Variants in ABCA6 observed in about 807,000 individuals in gnomAD.
The protein encoded by ABCA6 is ATP binding cassette subfamily A member 6.
Under a neutral mutation model 191.2 loss-of-function variants are expected in ABCA6, and 164 were observed. That is an observed-to-expected ratio of 0.86 (90% CI 0.76 to 0.98). ABCA6 has a LOEUF of 0.98. Ranked by LOEUF, ABCA6 falls within the 50% of genes least tolerant of loss-of-function variation. ABCA6 has a pLI of 0.00. For missense variants in ABCA6, 1,958 were observed against 1,894.1 expected (o/e 1.03, Z -0.63); for synonymous variants, 636 against 647.7 (o/e 0.98, Z 0.27).
chr17:69,118,110 T>G, intron 10 of ABCA6, 154 bp from the exon 11 acceptor site: 1 of 471,226 alleles, frequency 2.1e-6, no homozygotes, highest in Admixed American at 4.2e-5. Flanking sequence ...AAAACCCTAT[T>G]TTTGATTACT....
intron 34 of ABCA6, among the ~76,000 whole-genome samples, chr17:69,083,883 C>A (rs1202847542): frequency 6.6e-6 from 1 of 150,736 alleles, no homozygotes. Context: ...TGACAGGTCA[C>A]ATTAAAAAGG....
intron 12 of ABCA6, 54 bp from the exon 13 acceptor site, chr17:69,114,991 TC>T (rs1202862468): frequency 2.3e-6 from 3 of 1,304,260 alleles, no homozygotes; most frequent in Non-Finnish European, 3.2e-6. Flanking sequence ...CTATTAATAT[TC>T]ATAGATCTCA....
rs1224165662 is a variant in ABCA6, at chr17:69,129,983, T to C, written c.792-232A>G. On this transcript the variant is annotated intron_variant, in intron 6 of 38. Coordinates refer to ENST00000284425, the MANE Select transcript of ABCA6 (RefSeq NM_080284.3). ...CCTTTACCATATATGCATACAGAGATGATAGATGCTGAACACTGGTATAGG... is the reference window on the plus strand; with the variant it reads ...CCTTTACCATATATGCATACAGAGACGATAGATGCTGAACACTGGTATAGG... Among the ~76,000 whole-genome samples, 5 of 152,152 alleles carry C rather than the reference T, an allele frequency of 3.3e-5. No individual in the cohort carries two copies. The East Asian group carries it at 7.7e-4, about 24-fold the overall frequency.
At chr17:69,129,491 C>T in intron 7 of ABCA6, 119 bp downstream of exon 7, 3 of 820,496 alleles carry the variant, frequency 3.7e-6, no homozygotes, top group South Asian at 2.0e-5. Context: ...AGGACACACA[C>T]ATGCACACAC....
chr17:69,126,658 A>C (rs1043609494), intron 8 of ABCA6, among the ~76,000 whole-genome samples: 1 of 152,134 alleles, frequency 6.6e-6, no homozygotes, highest in Admixed American at 6.6e-5. Flanking sequence ...AAATAAAAAT[A>C]AAAAAAGATA....
intron 18 of ABCA6, 31 bp from the exon 19 acceptor site, chr17:69,106,242 A>G: frequency 1.3e-6 from 2 of 1,568,580 alleles, no homozygotes; most frequent in East Asian, 2.3e-5. Flanking sequence ...AAACACACAT[A>G]TTATAATATT....
At position 69,112,308 on chromosome 17, in the gene ABCA6, GGGGTC is replaced by G. The variant is rs774395881; in HGVS notation, c.2042-40_2042-36del. ...AGAAATCAAGGGAGAAAAGATATTG[GGGGTC>G]ATTTCTTCTTTCTCTAGTAAAGAAA... On this transcript the variant is annotated intron_variant, in intron 15 of 38. Coordinates refer to ENST00000284425, the MANE Select transcript of ABCA6 (RefSeq NM_080284.3). 3.3e-6 allele frequency: 5 copies of G among 1,522,694 alleles called. No homozygotes were observed. In the Admixed American group the frequency reaches 8.5e-5, roughly 26 times the overall value. The allele number at this position is 1,522,694 out of a possible 1,614,324, so 94.3% of individuals were successfully genotyped here.
At chr17:69,085,773 CT>C in intron 30 of ABCA6, 57 bp from the exon 31 acceptor site, 1 of 1,231,406 alleles carries the variant, frequency 8.1e-7, no homozygotes, top group Non-Finnish European at 1.2e-6. Context: ...CAACATAAAC[CT>C]TTTGCTCCAG....
chr17:69,113,567 C>T (rs1383526170), intron 14 of ABCA6, 51 bp downstream of exon 14: 4 of 1,611,026 alleles, frequency 2.5e-6, no homozygotes, highest in Middle Eastern at 1.7e-4. Flanking sequence ...AAGAACTTGA[C>T]ATTTTGCAGA....
intron 2 of ABCA6, among the ~76,000 whole-genome samples, chr17:69,139,032 A>C (rs1184288708): frequency 6.6e-6 from 1 of 152,240 alleles, no homozygotes; most frequent in Non-Finnish European, 1.5e-5. Context: ...GGACATAAGC[A>C]GGGGCAAGGA....
At chr17:69,115,137 A>C (rs1182912028) in intron 12 of ABCA6, among the ~76,000 whole-genome samples, 200 bp from the exon 13 acceptor site, 1 of 152,136 alleles carries the variant, frequency 6.6e-6, no homozygotes, top group Non-Finnish European at 1.5e-5. Context: ...CTTGTTACAA[A>C]CATATGCTTA....
In ABCA6 at chr17:69,106,092, C is replaced by T; in HGVS notation, c.2509G>A (p.Val837Ile). Residue 837 changes from valine (V) to isoleucine (I), a missense_variant, in exon 19 of 39, where the codon GTC becomes ATC. Val to Ile is a conservative substitution (Grantham distance 29, BLOSUM62 3). Transcript: ENST00000284425. ...VSDMGLWRMQ[V>I]FAMARLRFLK... ...AAACGGAGCCGTGCCATGGCAAAGA[C>T]TTGCATTCTCCAGAGGCCCATGTCA... 2 of 1,613,844 alleles carry T rather than the reference C, an allele frequency of 1.2e-6. No homozygotes were observed. The highest frequency in any genetic ancestry group is 1.7e-6 in the Non-Finnish European group (2 of 1,179,842).
At chr17:69,085,258 T>G in intron 31 of ABCA6, 76 bp from the exon 32 acceptor site, 1 of 1,394,480 alleles carries the variant, frequency 7.2e-7, no homozygotes, top group South Asian at 1.4e-5. Context: ...AACTGACATA[T>G]ATAAGCGTCT....
chr17:69,112,112 C>G (rs1047500812), intron 16 of ABCA6, 71 bp downstream of exon 16: 19 of 1,158,756 alleles, frequency 1.6e-5, no homozygotes, highest in Non-Finnish European at 2.5e-5. Context: ...AGTTCTGTTT[C>G]ATAATTGTCC....
At chr17:69,130,996 T>C (rs1395257315) in intron 6 of ABCA6, among the ~76,000 whole-genome samples, 1 of 152,204 alleles carries the variant, frequency 6.6e-6, no homozygotes, top group East Asian at 1.9e-4. Flanking sequence ...ATGAAGTGGT[T>C]ATTAAGAAAG....
intron 20 of ABCA6, chr17:69,104,529 G>A (rs1340094807): frequency 1.3e-5 from 2 of 151,230 alleles, no homozygotes; most frequent in African/African-American, 4.9e-5. Flanking sequence ...AAAATCAAAT[G>A]AATGAGGAAC....
chr17:69,120,267 A>C (rs1205976618), intron 10 of ABCA6, among the ~76,000 whole-genome samples: 1 of 152,066 alleles, frequency 6.6e-6, no homozygotes, highest in Non-Finnish European at 1.5e-5. Context: ...CAAATATGAC[A>C]ATAATGTTTA....
Position 69,105,553 on chromosome 17 carries a change from G to A in ABCA6, c.2649C>T (p.Ile883=), listed in dbSNP as rs72850814. ...ACAATTCGTTTTTAAATTCCCAATC[G>A]ATCTTTTCATTTAACATAGCATACA... ...NIMYAMLNEK[I]DWEFKNELYF... The change falls in exon 20 of 39, where the codon ATC becomes ATT. Residue 883 remains isoleucine, a synonymous_variant. Transcript: ENST00000284425. 7.5e-6 allele frequency: 12 copies of A among 1,593,106 alleles called. No individual in the cohort carries two copies. The Admixed American group carries it at 2.0e-4, about 27-fold the overall frequency.
rs770431765 is a variant in ABCA6, at chr17:69,087,413, T to G, written c.3759A>C (p.Glu1253Asp). 5 of 1,614,016 alleles carry G rather than the reference T, an allele frequency of 3.1e-6. No homozygotes were observed. The highest frequency in any genetic ancestry group is 1.7e-4 in the Middle Eastern group (1 of 6,060). Residue 1253 changes from glutamate to aspartate, a missense_variant, in exon 29 of 39, where the codon GAA (glutamate) becomes GAC (aspartate). Physicochemically the swap from Glu to Asp is conservative, Grantham distance 45. Transcript: ENST00000284425. Reference sequence around the variant, plus strand: ...TTCTTATTCTTTCTGTTTGAATATCTTCATCTTCATCTATGGGTTCTTCTG... The same window carrying G: ...TTCTTATTCTTTCTGTTTGAATATCGTCATCTTCATCTATGGGTTCTTCTG... ...PNPEEPIDEDEDIQTERIRTA... is the reference protein window; with the variant it reads ...PNPEEPIDEDDDIQTERIRTA...
Sources: allele counts gnomAD v4.1 joint callset (sites outside exome capture counted in the v4.1 genomes callset), GRCh38; gene constraint gnomAD v4.1.1; transcripts MANE v1.5; gene names NCBI Gene and HGNC (gene_info 2026-07-23, HGNC 2026-07-21).